Variants in NCKAP5 observed in about 807,000 individuals in gnomAD.
NCKAP5 encodes the protein NCK associated protein 5.
Under a neutral mutation model 167.0 loss-of-function variants are expected in NCKAP5, and 92 were observed. The observed-to-expected ratio is 0.55, with a 90% CI of 0.47 to 0.66. NCKAP5 has a LOEUF of 0.66. Ranked by LOEUF, NCKAP5 falls within the 30% of genes least tolerant of loss-of-function variation. The pLI is 0.00. For missense variants in NCKAP5, 2,378 were observed against 2,315.0 expected, an observed-to-expected ratio of 1.03 and a Z score of -0.56; for synonymous variants, 891 against 877.4, an observed-to-expected ratio of 1.02 and a Z score of -0.27.
At chr2:133,362,780 A>T (rs1685199213) in intron 3 of NCKAP5, among the ~76,000 whole-genome samples, 1 of 151,958 alleles carries the variant, frequency 6.6e-6, no homozygotes, top group Admixed American at 6.6e-5. Context: ...TTGAGACAGA[A>T]TCTTGCTCTG....
At chr2:133,439,735 T>A (rs773653541) in intron 3 of NCKAP5, among the ~76,000 whole-genome samples, 2 of 152,214 alleles carry the variant, frequency 1.3e-5, no homozygotes, top group African/African-American at 2.4e-5. Flanking sequence ...TAATGTCTCA[T>A]CTAGGCCTAC....
At chr2:133,469,171 G>C (rs1452241996) in intron 3 of NCKAP5, among the ~76,000 whole-genome samples, 1 of 151,938 alleles carries the variant, frequency 6.6e-6, no homozygotes, top group East Asian at 1.9e-4. Flanking sequence ...TCCATATTTA[G>C]CGCTTCCTTC....
At chr2:132,787,537 A>G (rs905152586) in intron 13 of NCKAP5, among the ~76,000 whole-genome samples, 1 of 152,266 alleles carries the variant, frequency 6.6e-6, no homozygotes, top group Non-Finnish European at 1.5e-5. Flanking sequence ...AGTACACTGT[A>G]AACATTTGCT....
intron 2 of NCKAP5, among the ~76,000 whole-genome samples, chr2:133,534,272 A>G (rs1056378139): frequency 1.3e-5 from 2 of 152,314 alleles, no homozygotes; most frequent in East Asian, 1.9e-4. Flanking sequence ...TTTGATCAAT[A>G]TCACAATTTT....
intron 3 of NCKAP5, chr2:133,433,377 A>C (rs1690280323): frequency 6.6e-6 from 1 of 152,202 alleles, no homozygotes; most frequent in African/African-American, 2.4e-5. Context: ...AATATTCCTC[A>C]AGAGAATGAC....
chr2:132,975,802 C>T (rs573400260), intron 7 of NCKAP5, among the ~76,000 whole-genome samples: 70 of 151,908 alleles, frequency 4.6e-4, no homozygotes, highest in Non-Finnish European at 8.1e-4. Flanking sequence ...AAAAAAACCT[C>T]ATAACTTAAG....
intron 3 of NCKAP5, among the ~76,000 whole-genome samples, chr2:133,481,120 T>C (rs1680387715): frequency 6.6e-6 from 1 of 152,232 alleles, no homozygotes; most frequent in Admixed American, 6.6e-5. Context: ...AATGTCAGTG[T>C]GGCTATTGCT....
chr2:133,497,316 G>C (rs927867591), intron 3 of NCKAP5, among the ~76,000 whole-genome samples: 15 of 152,322 alleles, frequency 9.8e-5, no homozygotes, highest in African/African-American at 3.4e-4. Flanking sequence ...GGGCCAAAAT[G>C]AGGCAGAAGC....
intron 3 of NCKAP5, among the ~76,000 whole-genome samples, chr2:133,364,860 T>G (rs1360462513): frequency 6.6e-6 from 1 of 151,856 alleles, no homozygotes; most frequent in Non-Finnish European, 1.5e-5. Flanking sequence ...GCTCAAGCAA[T>G]GCACCTCAGC....
chr2:133,132,786 C>T (rs756354343), intron 5 of NCKAP5, among the ~76,000 whole-genome samples: 4 of 151,576 alleles, frequency 2.6e-5, no homozygotes, highest in Non-Finnish European at 2.9e-5. Context: ...ACACTATTCT[C>T]CTGCCTCAGC....
chr2:133,438,395 AT>A (rs1205722095), intron 3 of NCKAP5, among the ~76,000 whole-genome samples: 3 of 152,246 alleles, frequency 2.0e-5, no homozygotes, highest in Non-Finnish European at 4.4e-5. Context: ...CTTTGCATAA[AT>A]AAATTCTTTT....
At chr2:133,464,863 C>T (rs908090123) in intron 3 of NCKAP5, among the ~76,000 whole-genome samples, 65 of 151,720 alleles carry the variant, frequency 4.3e-4, no homozygotes, top group African/African-American at 1.6e-3. Context: ...TCAGACACTC[C>T]TCATCACTTG....
intron 5 of NCKAP5, among the ~76,000 whole-genome samples, chr2:133,132,505 ACACACACACAC>A: frequency 6.7e-6 from 1 of 149,778 alleles, no homozygotes; most frequent in Admixed American, 6.7e-5. Flanking sequence ...ACACACACAC[ACACACACACAC>A]AAACCCTGAT....
intron 6 of NCKAP5, among the ~76,000 whole-genome samples, chr2:133,037,478 C>T (rs1170893065): frequency 2.0e-5 from 3 of 152,020 alleles, no homozygotes; most frequent in Admixed American, 1.3e-4. Context: ...AACAGAAAAT[C>T]TAGAAACAAA....
intron 6 of NCKAP5, among the ~76,000 whole-genome samples, chr2:133,083,027 G>C (rs558381616): frequency 1.3e-3 from 204 of 152,218 alleles, no homozygotes; most frequent in Non-Finnish European, 2.4e-3. Flanking sequence ...ACATGGTTGG[G>C]ACAACGAGCA....
the NCKAP5 span, among the ~76,000 whole-genome samples, chr2:133,575,161 C>T: frequency 2.9e-3 from 436 of 152,298 alleles, 4 homozygotes; most frequent in African/African-American, 0.01. Context: ...TCTGCACTTC[C>T]CCTGAGACGC....
intron 11 of NCKAP5, among the ~76,000 whole-genome samples, chr2:132,842,448 T>A (rs1029002389): frequency 2.0e-5 from 3 of 152,188 alleles, no homozygotes; most frequent in African/African-American, 7.2e-5. Flanking sequence ...TTTCCTTTTG[T>A]ATTTTCCTTT....
At chr2:133,178,910 A>C (rs955715959) in intron 5 of NCKAP5, among the ~76,000 whole-genome samples, 8 of 151,796 alleles carry the variant, frequency 5.3e-5, no homozygotes, top group African/African-American at 1.9e-4. Context: ...TCATTCCTTT[A>C]ATCCCAACAC....
At chr2:133,564,860 C>T (rs143199023) in intron 1 of NCKAP5, among the ~76,000 whole-genome samples, 588 of 152,276 alleles carry the variant, frequency 3.9e-3, no homozygotes, top group Middle Eastern at 0.024. Flanking sequence ...ATTCAGTGAG[C>T]AGTATTCATC....
Sources: allele counts gnomAD v4.1 joint callset (sites outside exome capture counted in the v4.1 genomes callset), GRCh38; gene constraint gnomAD v4.1.1; transcripts MANE v1.5; gene names NCBI Gene and HGNC (gene_info 2026-07-23, HGNC 2026-07-21).